PLPPR5: variants seen among roughly 807,000 people sequenced by gnomAD.
PLPPR5 encodes phospholipid phosphatase-related protein type 5.
Under a neutral mutation model 33.9 loss-of-function variants are expected in PLPPR5, and 16 were observed. The observed-to-expected ratio is 0.47, with a 90% confidence interval of 0.32 to 0.72. PLPPR5 has a LOEUF of 0.72. Among genes scored for constraint, PLPPR5 ranks in the 30% least tolerant of loss-of-function variants. The pLI is 0.03. For missense variants in PLPPR5, 301 were observed against 406.7 expected (o/e 0.74, Z 2.23); for synonymous variants, 163 against 150.3 (o/e 1.08, Z -0.62).
intron 4 of PLPPR5, among the ~76,000 whole-genome samples, chr1:98,921,521 G>T (rs2101161230): frequency 6.6e-6 from 1 of 152,164 alleles, no homozygotes; most frequent in East Asian, 1.9e-4. Flanking sequence ...ATTTTTTAAG[G>T]ATTTATATAA....
At chr1:98,935,941 T>C (rs1650156578) in intron 3 of PLPPR5, among the ~76,000 whole-genome samples, 1 of 152,056 alleles carries the variant, frequency 6.6e-6, no homozygotes, top group South Asian at 2.1e-4. Context: ...CCTGGAATTC[T>C]GCATGGTCAG....
At chr1:98,908,472 C>G (rs910940834) in intron 5 of PLPPR5, among the ~76,000 whole-genome samples, 6 of 152,118 alleles carry the variant, frequency 3.9e-5, no homozygotes, top group Admixed American at 3.3e-4. Context: ...TTCTTGGACT[C>G]CTAAGGATAA....
At chr1:98,898,131 G>A (rs368839169) in intron 5 of PLPPR5, among the ~76,000 whole-genome samples, 24 of 152,162 alleles carry the variant, frequency 1.6e-4, no homozygotes, top group African/African-American at 5.3e-4. Flanking sequence ...CTCATTTGGT[G>A]GCAAAACCTG....
At chr1:99,001,596 C>T (rs1196415152) in intron 1 of PLPPR5, among the ~76,000 whole-genome samples, 2 of 147,364 alleles carry the variant, frequency 1.4e-5, no homozygotes, top group Non-Finnish European at 3.0e-5. Flanking sequence ...TGAAACAAAT[C>T]TGTAGACTGT....
At chr1:98,894,834 CAG>C (rs1648410691) in intron 5 of PLPPR5, among the ~76,000 whole-genome samples, 2 of 152,012 alleles carry the variant, frequency 1.3e-5, no homozygotes, top group African/African-American at 4.8e-5. Context: ...CTTTAATAAA[CAG>C]AGAAATAACC....
intron 3 of PLPPR5, among the ~76,000 whole-genome samples, chr1:98,946,569 T>C (rs1199067804): frequency 3.3e-5 from 5 of 152,146 alleles, no homozygotes; most frequent in Non-Finnish European, 7.4e-5. Flanking sequence ...GGGACACTTC[T>C]TCTCCCCCTG....
chr1:98,934,508 T>C (rs1342182614), intron 3 of PLPPR5, among the ~76,000 whole-genome samples: 1 of 152,220 alleles, frequency 6.6e-6, no homozygotes, highest in Non-Finnish European at 1.5e-5. Flanking sequence ...TCAAATACTA[T>C]TTATGGTGTC....
At chr1:98,931,226 G>T (rs1342419729) in intron 3 of PLPPR5, among the ~76,000 whole-genome samples, 1 of 152,046 alleles carries the variant, frequency 6.6e-6, no homozygotes, top group African/African-American at 2.4e-5. Context: ...TATGGGATAG[G>T]AATATCCTTT....
At chr1:98,924,485 G>A (rs1649679134) in intron 3 of PLPPR5, among the ~76,000 whole-genome samples, 1 of 152,176 alleles carries the variant, frequency 6.6e-6, no homozygotes, top group Non-Finnish European at 1.5e-5. Flanking sequence ...GAGAAAGGAG[G>A]CCACCACAGA....
At position 98,897,196 on chromosome 1, in the gene PLPPR5, G is replaced by A. The variant is rs771543618; in HGVS notation, c.934-4092C>T. Among the ~76,000 whole-genome samples the A allele has an allele frequency of 3.9e-4, 59 of 152,182 alleles. 1 individual carries two copies. The highest frequency in any genetic ancestry group is 7.5e-4 in the Non-Finnish European group (51 of 68,004). On this transcript the variant is annotated intron_variant, in intron 5 of 5. Transcript: ENST00000263177. Reference sequence around the variant, plus strand: ...CCTGCACAGAAGGACACATTTTTCTGTATTTGTCTTAGCTTTGCAACCCAA... The same window carrying A: ...CCTGCACAGAAGGACACATTTTTCTATATTTGTCTTAGCTTTGCAACCCAA...
intron 3 of PLPPR5, among the ~76,000 whole-genome samples, chr1:98,924,783 A>G (rs1179956253): frequency 1.3e-5 from 2 of 152,176 alleles, no homozygotes; most frequent in Non-Finnish European, 2.9e-5. Context: ...AGGAGCCCAT[A>G]GACAGTCTAG....
chr1:98,940,446 T>C (rs1468610694), intron 3 of PLPPR5, among the ~76,000 whole-genome samples: 1 of 151,766 alleles, frequency 6.6e-6, no homozygotes, highest in Non-Finnish European at 1.5e-5. Context: ...CTTCAACATA[T>C]GAATCAAGGG....
At chr1:98,950,335 A>C (rs1650731347) in intron 3 of PLPPR5, among the ~76,000 whole-genome samples, 1 of 152,240 alleles carries the variant, frequency 6.6e-6, no homozygotes, top group Non-Finnish European at 1.5e-5. Flanking sequence ...AGTATTAACT[A>C]AGTTAGTAAA....
At chr1:98,940,990 G>C (rs970270065) in intron 3 of PLPPR5, among the ~76,000 whole-genome samples, 1 of 151,796 alleles carries the variant, frequency 6.6e-6, no homozygotes, top group African/African-American at 2.4e-5. Flanking sequence ...TGCAAGTAAG[G>C]TGCTGATGAG....
chr1:98,919,936 A>G (rs1303901565), intron 4 of PLPPR5, among the ~76,000 whole-genome samples: 1 of 152,208 alleles, frequency 6.6e-6, no homozygotes, highest in Non-Finnish European at 1.5e-5. Context: ...CATTTAAATA[A>G]CACACCTATA....
At chr1:98,895,791 G>A (rs1648448943) in intron 5 of PLPPR5, among the ~76,000 whole-genome samples, 1 of 151,884 alleles carries the variant, frequency 6.6e-6, no homozygotes, top group Non-Finnish European at 1.5e-5. Flanking sequence ...GAAGTATCCT[G>A]CTTGGGGCTC....
chr1:98,953,355 TTGTGTGTGTG>T lies in PLPPR5; in HGVS notation c.371-45_371-36del, dbSNP rs58092870. 1,854 of 1,378,402 alleles carry T rather than the reference TTGTGTGTGTG, an allele frequency of 1.3e-3. 8 individuals are homozygous for T. In the African/African-American group the frequency reaches 0.014, roughly 11 times the overall value. 85.4% of individuals were successfully genotyped at this position (1,378,402 alleles called of 1,614,324 possible). A position where few individuals can be genotyped will look rare whatever the true frequency, so the allele number is the denominator to read the frequency against. On this transcript the variant is annotated intron_variant, in intron 2 of 5. Coordinates refer to ENST00000263177, the MANE Select transcript of PLPPR5 (RefSeq NM_001037317.2). ...AAAACAAATAATTTTAACTTCTTGC[TTGTGTGTGTG>T]TGTGTGTGTGTGTGTGTGTGTGTGT...
At chr1:98,985,168 T>C (rs1652208330) in intron 1 of PLPPR5, among the ~76,000 whole-genome samples, 1 of 152,000 alleles carries the variant, frequency 6.6e-6, no homozygotes, top group Non-Finnish European at 1.5e-5. Flanking sequence ...TGAAGTCTCC[T>C]CTCCTTTAAT....
intron 1 of PLPPR5, among the ~76,000 whole-genome samples, chr1:98,998,868 A>G (rs938553049): frequency 2.0e-5 from 3 of 152,210 alleles, no homozygotes; most frequent in Admixed American, 6.5e-5. Flanking sequence ...TTAGTCCCCA[A>G]TATGATTAAG....
Sources: gnomAD v4.1 joint callset for allele counts (sites outside exome capture counted in the v4.1 genomes callset) on GRCh38, gnomAD v4.1.1 for gene constraint, MANE v1.5 for transcripts, NCBI Gene and HGNC (gene_info 2026-07-23, HGNC 2026-07-21) for gene names.